The following KANK1 variants were observed in gnomAD, a reference collection of about 807,000 sequenced individuals.
The protein encoded by KANK1 is KN motif and ankyrin repeat domain-containing protein 1.
In KANK1, 109 loss-of-function variants were observed where a neutral mutation model predicts 106.2. The ratio of observed to expected loss-of-function variants is 1.03; its 90% CI spans 0.88 to 1.20. The LOEUF (loss-of-function observed/expected upper bound fraction) is 1.20, where lower values mean the gene tolerates loss of function less well. Among genes scored for constraint, KANK1 ranks in the 50% most tolerant of loss-of-function variants. KANK1 has a pLI of 0.00. For missense variants in KANK1, 2,399 were observed against 1,710.7 expected (o/e 1.40, Z -7.10); for synonymous variants, 873 against 652.2 (o/e 1.34, Z -5.16).
intron 1 of KANK1, among the ~76,000 whole-genome samples, chr9:637,925 A>G (rs1179167657): frequency 2.0e-5 from 3 of 152,204 alleles, no homozygotes; most frequent in Non-Finnish European, 4.4e-5. Context: ...TGAAACCATC[A>G]GAGACTCTGG....
rs368934760 is a variant in KANK1 at position 712,165 on chromosome 9, G to C, written c.1399G>C (p.Glu467Gln). Residue 467 changes from glutamate (E) to glutamine (Q), a missense_variant, in exon 3 of 12, where the codon GAA (glutamate) becomes CAA (glutamine). Transcript: ENST00000382297. ...LQQQTIESLK[E>Q]KIYRLEVQLR... The stretch of plus-strand genomic sequence containing the variant: ...ACAGCAGACCATAGAATCCTTGAAG[G>C]AAAAGATCTATCGCCTAGAAGTACA... 17 of 1,613,994 alleles carry C rather than the reference G, an allele frequency of 1.1e-5. No homozygotes were observed. The African/African-American group carries it at 2.3e-4, about 22-fold the overall frequency.
In KANK1 at chr9:601,566, C is replaced by T. The variant is rs546264846; in HGVS notation, c.-83-75324C>T. On this transcript the variant is annotated intron_variant, in intron 1 of 11. Transcript: ENST00000382297. ...AGCAATGATGTATCTTTTTTATTGC[C>T]TCATAACTGGTTACTTGATGTCAGT... Among the ~76,000 whole-genome samples the T allele has an allele frequency of 1.3e-5, 2 of 151,832 alleles. 1 individual carries two copies. The highest frequency in any genetic ancestry group is 3.9e-4 in the East Asian group (2 of 5,194).
At chr9:586,324 G>C (rs543179429) in intron 1 of KANK1, among the ~76,000 whole-genome samples, 1 of 152,228 alleles carries the variant, frequency 6.6e-6, no homozygotes, top group Admixed American at 6.5e-5. Context: ...TACAGGAATA[G>C]GATGAAAGCA....
intron 1 of KANK1, among the ~76,000 whole-genome samples, chr9:643,674 C>G (rs1227862778): frequency 1.3e-5 from 2 of 148,382 alleles, no homozygotes; most frequent in South Asian, 4.2e-4. Flanking sequence ...GCCAATGTGC[C>G]TAGCATTGAT....
At chr9:659,030 T>C (rs1842751175) in intron 1 of KANK1, among the ~76,000 whole-genome samples, 1 of 152,212 alleles carries the variant, frequency 6.6e-6, no homozygotes, top group Non-Finnish European at 1.5e-5. Flanking sequence ...CTTCGTAGCA[T>C]TTAGCATAAT....
chr9:596,176 T>G (rs535020221), intron 1 of KANK1, among the ~76,000 whole-genome samples: 1 of 152,042 alleles, frequency 6.6e-6, no homozygotes, highest in East Asian at 1.9e-4. Flanking sequence ...ATTTCCACTT[T>G]TGGTGTCATG....
intron 3 of KANK1, among the ~76,000 whole-genome samples, chr9:496,511 C>T (rs946890837): frequency 6.6e-6 from 1 of 152,134 alleles, no homozygotes; most frequent in African/African-American, 2.4e-5. Context: ...GAGCTGAGAT[C>T]GTGCCACTGC....
intron 1 of KANK1, among the ~76,000 whole-genome samples, chr9:529,210 T>G (rs1481998802): frequency 6.6e-6 from 1 of 151,464 alleles, no homozygotes; most frequent in Non-Finnish European, 1.5e-5. Flanking sequence ...CTTCCAGAGA[T>G]AACTCTGTTA....
At chr9:606,512 C>T (rs1563848139) in intron 1 of KANK1, among the ~76,000 whole-genome samples, 2 of 146,136 alleles carry the variant, frequency 1.4e-5, no homozygotes, top group Non-Finnish European at 2.9e-5. Context: ...GCTGAGATCC[C>T]GCCATTGTAC....
intron 1 of KANK1, among the ~76,000 whole-genome samples, chr9:564,114 C>A (rs553153627): frequency 6.7e-6 from 1 of 150,280 alleles, no homozygotes; most frequent in African/African-American, 2.5e-5. Context: ...GGCTGGAGTG[C>A]GGTGGCGCAA....
rs556442788 is a variant in KANK1 at position 644,980 on chromosome 9, C to T, written c.-83-31910C>T. 4.7e-4 allele frequency among the ~76,000 whole-genome samples: 70 copies of T among 150,154 alleles called. 2 individuals are homozygous for T. Among genetic ancestry groups the T allele is most frequent in the Non-Finnish European group, 8.5e-4 (58 of 67,962 alleles). On this transcript the variant is annotated intron_variant, in intron 1 of 11. Coordinates refer to ENST00000382297, the MANE Select transcript of KANK1 (RefSeq NM_015158.5). ...TACTAAAATACAAAAGAATATTAGCCAGGAATGGCGGTGTGCACCTGTAGT... is the reference window on the plus strand; with the variant it reads ...TACTAAAATACAAAAGAATATTAGCTAGGAATGGCGGTGTGCACCTGTAGT...
At chr9:656,569 T>G (rs1257167269) in intron 1 of KANK1, among the ~76,000 whole-genome samples, 5 of 152,074 alleles carry the variant, frequency 3.3e-5, no homozygotes, top group African/African-American at 1.2e-4. Context: ...GGGATCAGGC[T>G]TTTTCAGTCA....
At chr9:579,712 A>AC (rs1468079519) in intron 1 of KANK1, among the ~76,000 whole-genome samples, 1 of 152,056 alleles carries the variant, frequency 6.6e-6, no homozygotes, top group East Asian at 1.9e-4. Context: ...CAGTCAGAAG[A>AC]CCCCAAAGAG....
chr9:601,307 C>G (rs952398089), intron 1 of KANK1, among the ~76,000 whole-genome samples: 9 of 151,826 alleles, frequency 5.9e-5, no homozygotes, highest in Non-Finnish European at 8.8e-5. Context: ...TACTAGCATT[C>G]TATCCAGTTT....
intron 2 of KANK1, among the ~76,000 whole-genome samples, chr9:688,589 ACT>A (rs1056221415): frequency 1.3e-4 from 18 of 142,968 alleles, no homozygotes; most frequent in African/African-American, 4.9e-4. Context: ...ACAGAGCGAG[ACT>A]CTGTCTCAAA....
intron 2 of KANK1, among the ~76,000 whole-genome samples, chr9:705,422 G>T (rs1823818176): frequency 1.3e-5 from 2 of 152,098 alleles, no homozygotes; most frequent in African/African-American, 4.8e-5. Context: ...GGAGGTGGAG[G>T]TTGCAGTGAG....
At chr9:543,873 C>A (rs796429052) in intron 1 of KANK1, among the ~76,000 whole-genome samples, 1 of 152,160 alleles carries the variant, frequency 6.6e-6, no homozygotes, top group Non-Finnish European at 1.5e-5. Context: ...AAATCCAGGG[C>A]TTCTCTATTA....
At position 553,134 on chromosome 9, in the gene KANK1, C is replaced by T. The variant is rs1311511171; in HGVS notation, c.-84+48380C>T. Among the ~76,000 whole-genome samples the T allele has an allele frequency of 3.9e-5, 6 of 152,146 alleles. No individual in the cohort carries two copies. The East Asian group carries it at 5.8e-4, about 15-fold the overall frequency. On this transcript the variant is annotated intron_variant, in intron 1 of 11. Transcript: ENST00000382297. ...GCACTCCAGCCTGGGTGACAGACAG[C>T]GAGACCCTGTCTCAAAAAGAATGCA...
intron 1 of KANK1, among the ~76,000 whole-genome samples, chr9:650,809 G>A (rs927123441): frequency 6.6e-6 from 1 of 152,094 alleles, no homozygotes; most frequent in African/African-American, 2.4e-5. Flanking sequence ...AAATGTTGCA[G>A]TCCATGGATT....
Sources: gnomAD v4.1 joint callset for allele counts (sites outside exome capture counted in the v4.1 genomes callset) on GRCh38, gnomAD v4.1.1 for gene constraint, MANE v1.5 for transcripts, NCBI Gene and HGNC (gene_info 2026-07-23, HGNC 2026-07-21) for gene names.